Variants in COP1 observed in about 807,000 individuals in gnomAD.
COP1 encodes the protein COP1 E3 ubiquitin ligase.
Under a neutral mutation model 101.3 loss-of-function variants are expected in COP1, and 24 were observed. That is an observed-to-expected ratio of 0.24 (90% CI 0.17 to 0.33). The LOEUF (loss-of-function observed/expected upper bound fraction) is 0.33. COP1 is among the 10% of genes least tolerant of loss of function. COP1 has a pLI of 1.00. For missense variants in COP1, 663 were observed against 906.2 expected (o/e 0.73, Z 3.45); for synonymous variants, 347 against 341.9 (o/e 1.01, Z -0.17).
chr1:176,092,988 ATGGAATATTATACGTCAGTGACAACT>A (rs1681605566), intron 9 of COP1, among the ~76,000 whole-genome samples: 1 of 152,208 alleles, frequency 6.6e-6, no homozygotes, highest in Non-Finnish European at 1.5e-5. Flanking sequence ...TAGTAACACA[ATGGAATATTATACGTCAGTGACAACT>A]ACAGCCACAG....
intron 10 of COP1, among the ~76,000 whole-genome samples, chr1:176,083,265 T>C (rs1326059162): frequency 6.6e-6 from 1 of 152,208 alleles, no homozygotes; most frequent in Non-Finnish European, 1.5e-5. Context: ...CATTCCCATT[T>C]TGATATCAAT....
intron 11 of COP1, among the ~76,000 whole-genome samples, chr1:176,063,604 GAGA>G (rs1207771697): frequency 1.3e-5 from 2 of 152,300 alleles, no homozygotes; most frequent in Non-Finnish European, 2.9e-5. Context: ...ATGGGGAGAA[GAGA>G]AGAAGAGGAG....
At chr1:175,948,119 G>A (rs1649416516) in intron 18 of COP1, among the ~76,000 whole-genome samples, 1 of 152,194 alleles carries the variant, frequency 6.6e-6, no homozygotes, top group African/African-American at 2.4e-5. Context: ...ACTTGGATGA[G>A]AATATATGTG....
At chr1:176,174,811 A>G (rs1696675017) in intron 3 of COP1, among the ~76,000 whole-genome samples, 1 of 152,130 alleles carries the variant, frequency 6.6e-6, no homozygotes, top group Admixed American at 6.5e-5. Flanking sequence ...TTGATATATA[A>G]TCCCAAGAGT....
intron 3 of COP1, among the ~76,000 whole-genome samples, 183 bp from the exon 4 acceptor site, chr1:176,164,074 GCTA>G (rs1443725433): frequency 6.6e-6 from 1 of 152,152 alleles, no homozygotes; most frequent in South Asian, 2.1e-4. Flanking sequence ...TGCTGCAGCT[GCTA>G]CTACTACAAC....
At chr1:176,000,540 C>G (rs2148856033) in intron 15 of COP1, among the ~76,000 whole-genome samples, 1 of 151,982 alleles carries the variant, frequency 6.6e-6, no homozygotes, top group East Asian at 1.9e-4. Context: ...AATTTTTTAC[C>G]TCCATTTTAA....
intron 18 of COP1, among the ~76,000 whole-genome samples, chr1:175,973,248 TAA>T (rs1489721246): frequency 6.6e-6 from 1 of 152,222 alleles, no homozygotes; most frequent in Non-Finnish European, 1.5e-5. Flanking sequence ...GACAGTTTAG[TAA>T]AAGAGTTAAC....
chr1:176,183,030 A>T (rs1047320428), intron 2 of COP1, among the ~76,000 whole-genome samples: 4 of 152,220 alleles, frequency 2.6e-5, no homozygotes, highest in African/African-American at 9.6e-5. Flanking sequence ...CTGGTTTTTA[A>T]AAGCAATAAT....
At chr1:176,089,659 ACT>A (rs1377246834) in intron 9 of COP1, among the ~76,000 whole-genome samples, 1 of 152,152 alleles carries the variant, frequency 6.6e-6, no homozygotes, top group East Asian at 1.9e-4. Context: ...GCACTGCTTC[ACT>A]CTGAGACCTA....
chr1:175,976,270 C>CTTTTTTTTTATTTTTTTTT (rs1654538795), intron 18 of COP1, among the ~76,000 whole-genome samples: 1 of 56,834 alleles, frequency 1.8e-5, no homozygotes, highest in Non-Finnish European at 3.0e-5. Context: ...ATTAGTCATT[C>CTTTTTTTTTATTTTTTTTT]TTTTTTTTTT....
chr1:176,179,217 G>C (rs1352307898), intron 2 of COP1, among the ~76,000 whole-genome samples: 5 of 151,780 alleles, frequency 3.3e-5, no homozygotes, highest in Non-Finnish European at 1.5e-5. Context: ...TTGACCCTGG[G>C]GGGCAGAGGT....
At chr1:176,025,092 ATTG>A (rs928525782) in intron 15 of COP1, among the ~76,000 whole-genome samples, 4 of 152,326 alleles carry the variant, frequency 2.6e-5, no homozygotes, top group African/African-American at 9.6e-5. Flanking sequence ...ATAAGCACCA[ATTG>A]GTGCTAAAAG....
At chr1:175,995,975 G>A (rs1660051207) in intron 15 of COP1, among the ~76,000 whole-genome samples, 5 of 152,154 alleles carry the variant, frequency 3.3e-5, no homozygotes, top group Admixed American at 3.3e-4. Context: ...TATCCTTGAT[G>A]AACATTGATG....
intron 2 of COP1, among the ~76,000 whole-genome samples, chr1:176,179,214 T>TG (rs1697395860): frequency 6.7e-6 from 1 of 148,668 alleles, no homozygotes. Flanking sequence ...TGCTTGACCC[T>TG]GGGGGGCAGA....
At chr1:176,019,338 T>C (rs1215304193) in intron 15 of COP1, among the ~76,000 whole-genome samples, 6 of 144,298 alleles carry the variant, frequency 4.2e-5, no homozygotes, top group Admixed American at 1.4e-4. Flanking sequence ...TGGTGTGCGC[T>C]TGTAGTCCCA....
At chr1:176,124,231 T>C (rs1482698560) in intron 8 of COP1, among the ~76,000 whole-genome samples, 3 of 152,136 alleles carry the variant, frequency 2.0e-5, no homozygotes. Flanking sequence ...TGGGTATCCA[T>C]CCCCTCAAGC....
At chr1:176,199,391 AAC>A in intron 1 of COP1, among the ~76,000 whole-genome samples, 1 of 137,354 alleles carries the variant, frequency 7.3e-6, no homozygotes, top group Non-Finnish European at 1.7e-5. Context: ...TTTAAAACTA[AAC>A]ATACACTTGG....
chr1:175,968,027 C>G (rs1300328051), intron 18 of COP1, among the ~76,000 whole-genome samples: 1 of 152,116 alleles, frequency 6.6e-6, no homozygotes, highest in East Asian at 1.9e-4. Context: ...GCCAACACAC[C>G]TGGCTAATTT....
chr1:176,108,495 C>T lies in COP1; in HGVS notation c.1026+8129G>A, dbSNP rs1223043616. Among the ~76,000 whole-genome samples the T allele has an allele frequency of 1.3e-5, 2 of 152,238 alleles. 1 individual carries two copies. ...AATCAAACTATTTTAGCATTGATCA[C>T]ATGTATATACTGCCAAATTATCTTC... On this transcript the variant is annotated intron_variant, in intron 9 of 19. Coordinates refer to ENST00000367669, the MANE Select transcript of COP1 (RefSeq NM_022457.7).
Sources: gnomAD v4.1 joint callset for allele counts (sites outside exome capture counted in the v4.1 genomes callset) on GRCh38, gnomAD v4.1.1 for gene constraint, MANE v1.5 for transcripts, NCBI Gene and HGNC (gene_info 2026-07-23, HGNC 2026-07-21) for gene names.